The following RUNX2 variants were observed in gnomAD, a reference collection of about 807,000 sequenced individuals.
RUNX2 encodes the protein RUNX family transcription factor 2.
Under a neutral mutation model 51.7 loss-of-function variants are expected in RUNX2, and 10 were observed. The observed-to-expected ratio is 0.19, with a 90% CI of 0.12 to 0.33. The LOEUF is 0.33. RUNX2 is among the 10% of genes least tolerant of loss of function. The pLI is 1.00. For synonymous variants in RUNX2, 276 were observed against 273.6 expected (o/e 1.01, Z -0.09); for missense variants, 562 against 691.3 (o/e 0.81, Z 2.10).
intron 4 of RUNX2, among the ~76,000 whole-genome samples, chr6:45,433,166 A>G (rs1481279712): frequency 1.3e-5 from 2 of 152,220 alleles, no homozygotes; most frequent in Non-Finnish European, 2.9e-5. Context: ...ATTCATGCTA[A>G]TGAGATACTG....
At chr6:45,370,215 C>T (rs762886623) in intron 2 of RUNX2, among the ~76,000 whole-genome samples, 3 of 152,038 alleles carry the variant, frequency 2.0e-5, no homozygotes, top group Admixed American at 6.6e-5. Flanking sequence ...GTTTAACAAG[C>T]GGAGATGATG....
chr6:45,399,462 C>T (rs531924157), intron 2 of RUNX2, among the ~76,000 whole-genome samples: 13 of 142,198 alleles, frequency 9.1e-5, no homozygotes, highest in South Asian at 6.7e-4. Flanking sequence ...TGAGTTCAAG[C>T]GATTCTCCTG....
chr6:45,545,480 A>G (rs770526077), intron 8 of RUNX2, among the ~76,000 whole-genome samples, 198 bp downstream of exon 8: 9 of 152,222 alleles, frequency 5.9e-5, no homozygotes, highest in Non-Finnish European at 1.0e-4. Flanking sequence ...AAAAATTAAT[A>G]ACCTTCAATC....
At chr6:45,333,527 T>C (rs1164665839) in intron 2 of RUNX2, among the ~76,000 whole-genome samples, 1 of 151,578 alleles carries the variant, frequency 6.6e-6, no homozygotes, top group African/African-American at 2.4e-5. Flanking sequence ...GTAAGCAACA[T>C]GTTATCAAAC....
intron 7 of RUNX2, among the ~76,000 whole-genome samples, chr6:45,542,421 AG>A (rs1166148554): frequency 6.6e-6 from 1 of 152,142 alleles, no homozygotes; most frequent in African/African-American, 2.4e-5. Flanking sequence ...TTTTTATGAC[AG>A]CTACATTTGT....
intron 6 of RUNX2, among the ~76,000 whole-genome samples, chr6:45,506,479 A>C (rs1477302534): frequency 6.6e-6 from 1 of 152,162 alleles, no homozygotes; most frequent in South Asian, 2.1e-4. Context: ...AGTGCATAAA[A>C]ACCCAACACC....
chr6:45,481,313 T>C (rs993011704), intron 5 of RUNX2, among the ~76,000 whole-genome samples: 2 of 152,218 alleles, frequency 1.3e-5, no homozygotes, highest in Non-Finnish European at 2.9e-5. Flanking sequence ...GTGATGCTTT[T>C]TGTTCAACTA....
chr6:45,365,240 C>T, intron 2 of RUNX2: 1 of 1,612,398 alleles, frequency 6.2e-7, no homozygotes, highest in African/African-American at 1.3e-5. Context: ...TATAGACTTC[C>T]CTGTACTCCT....
intron 6 of RUNX2, among the ~76,000 whole-genome samples, chr6:45,512,016 C>T (rs929762954): frequency 1.3e-5 from 2 of 151,974 alleles, no homozygotes; most frequent in Non-Finnish European, 2.9e-5. Context: ...ATGCATCATC[C>T]ATTTTGTTGC....
intron 7 of RUNX2, among the ~76,000 whole-genome samples, chr6:45,540,698 A>T (rs763578181): frequency 1.5e-4 from 23 of 152,176 alleles, no homozygotes; most frequent in Non-Finnish European, 2.2e-4. Flanking sequence ...TTAACCCAGG[A>T]TCATAAGGAA....
In RUNX2 at chr6:45,422,737, A is replaced by G. The variant is rs1356693369; in HGVS notation, c.203A>G (p.Gln68Arg). 2 of 1,567,464 alleles carry G rather than the reference A, an allele frequency of 1.3e-6. No homozygotes were observed. Among genetic ancestry groups the G allele is most frequent in the African/African-American group, 2.8e-5 (2 of 70,806 alleles). Residue 68 changes from glutamine to arginine, a missense_variant, in exon 3 of 9, where the codon CAG becomes CGG. By Grantham distance (43) the Gln-to-Arg change is conservative. This residue lies in a region of RUNX2 where 153 missense variants were observed against 144.8 expected (regional missense o/e 1.06). Coordinates refer to ENST00000647337, the MANE Select transcript of RUNX2 (RefSeq NM_001024630.4). ...CAGCAGCAGCAGCAGCAACAGCAGC[A>G]GCAGCAGCAGGAGGCGGCGGCGGCG... ...QQQQQQQQQQ[Q>R]QQQEAAAAAA...
intron 7 of RUNX2, among the ~76,000 whole-genome samples, chr6:45,521,107 A>ACTG (rs539175074): frequency 2.3e-4 from 35 of 152,314 alleles, no homozygotes; most frequent in African/African-American, 6.7e-4. Flanking sequence ...ATATTCTTGA[A>ACTG]TCCTTATAAC....
At chr6:45,370,965 G>A (rs1795967882) in intron 2 of RUNX2, among the ~76,000 whole-genome samples, 1 of 152,114 alleles carries the variant, frequency 6.6e-6, no homozygotes, top group Admixed American at 6.5e-5. Context: ...CACTGCAAAT[G>A]TGCCTATCAG....
At chr6:45,436,035 C>T (rs145920183) in intron 4 of RUNX2, among the ~76,000 whole-genome samples, 12 of 152,194 alleles carry the variant, frequency 7.9e-5, no homozygotes, top group South Asian at 2.1e-4. Context: ...TTAGTCTTAA[C>T]GCTTATAATA....
intron 5 of RUNX2, among the ~76,000 whole-genome samples, chr6:45,439,505 C>T (rs913255385): frequency 7.2e-5 from 11 of 152,216 alleles, no homozygotes; most frequent in African/African-American, 2.4e-4. Flanking sequence ...AGACTAGCCC[C>T]GGAATTCCTG....
At chr6:45,528,322 T>C (rs1240042093) in intron 7 of RUNX2, among the ~76,000 whole-genome samples, 2 of 152,148 alleles carry the variant, frequency 1.3e-5, no homozygotes, top group Non-Finnish European at 2.9e-5. Context: ...CTTCTACTGC[T>C]TCTAAAATGC....
intron 2 of RUNX2, among the ~76,000 whole-genome samples, chr6:45,402,729 G>A (rs532763400): frequency 9.2e-5 from 14 of 152,102 alleles, no homozygotes; most frequent in Non-Finnish European, 1.5e-4. Context: ...AAAATTAGCC[G>A]GGCATGGTGA....
At chr6:45,435,032 C>T (rs989706735) in intron 4 of RUNX2, among the ~76,000 whole-genome samples, 87 of 152,162 alleles carry the variant, frequency 5.7e-4, no homozygotes, top group African/African-American at 1.9e-3. Context: ...GAAGGAGCCT[C>T]ATTCACTTTT....
intron 2 of RUNX2, among the ~76,000 whole-genome samples, chr6:45,349,835 T>C (rs1791652312): frequency 6.6e-6 from 1 of 152,250 alleles, no homozygotes; most frequent in Non-Finnish European, 1.5e-5. Flanking sequence ...AATCAGTTCA[T>C]GTTGTCAATG....
Sources: allele counts gnomAD v4.1 joint callset (sites outside exome capture counted in the v4.1 genomes callset), GRCh38; gene constraint gnomAD v4.1.1; regional missense constraint gnomAD v4.1.1; transcripts MANE v1.5; gene names NCBI Gene and HGNC (gene_info 2026-07-23, HGNC 2026-07-21).